FBXL13: variants seen among roughly 807,000 people sequenced by gnomAD.
FBXL13 encodes the protein F-box and leucine-rich repeat protein 13.
FBXL13 carries 67 observed loss-of-function variants against 83.6 expected under a neutral mutation model. That is an observed-to-expected ratio of 0.80 (90% CI 0.66 to 0.98). The LOEUF (loss-of-function observed/expected upper bound fraction) is 0.98, where lower values mean the gene tolerates loss of function less well. Ranked by LOEUF, FBXL13 falls within the 50% of genes least tolerant of loss-of-function variation. The pLI, the probability that FBXL13 is intolerant of heterozygous loss-of-function variation, is 0.00. For synonymous variants in FBXL13, 272 were observed against 299.5 expected (o/e 0.91, Z 0.95); for missense variants, 822 against 866.5 (o/e 0.95, Z 0.64).
intron 1 of FBXL13, among the ~76,000 whole-genome samples, chr7:103,060,063 T>TATAC (rs1429819167): frequency 1.2e-4 from 14 of 115,232 alleles, no homozygotes; most frequent in African/African-American, 3.4e-4. Context: ...TATATATATA[T>TATAC]ACTTTTTTTT....
intron 1 of FBXL13, among the ~76,000 whole-genome samples, chr7:103,065,951 CTG>C (rs1798353635): frequency 1.3e-5 from 2 of 152,242 alleles, no homozygotes; most frequent in African/African-American, 4.8e-5. Flanking sequence ...CTCCTGGAAG[CTG>C]TGTCATGTGA....
chr7:102,945,277 G>A (rs1473182214), intron 8 of FBXL13, among the ~76,000 whole-genome samples: 1 of 152,194 alleles, frequency 6.6e-6, no homozygotes, highest in East Asian at 1.9e-4. Flanking sequence ...TGTAGATGGT[G>A]TGAAGCATGA....
chr7:102,890,873 C>G (rs1417462164), intron 11 of FBXL13, among the ~76,000 whole-genome samples: 1 of 152,194 alleles, frequency 6.6e-6, no homozygotes, highest in Non-Finnish European at 1.5e-5. Flanking sequence ...TTCTGTACCA[C>G]CTCCAGCTGT....
At chr7:102,964,310 CA>C (rs142441296) in intron 7 of FBXL13, among the ~76,000 whole-genome samples, 11 of 141,980 alleles carry the variant, frequency 7.7e-5, no homozygotes, top group Admixed American at 4.2e-4. Context: ...AACTCCAACT[CA>C]AAAAAAAAAT....
chr7:103,032,787 T>C (rs1794639675), intron 2 of FBXL13, among the ~76,000 whole-genome samples: 1 of 152,238 alleles, frequency 6.6e-6, no homozygotes, highest in Non-Finnish European at 1.5e-5. Flanking sequence ...CCCAAAACGT[T>C]GGATGGCTGA....
chr7:102,818,908 G>A (rs980758371), intron 19 of FBXL13, among the ~76,000 whole-genome samples: 3 of 152,056 alleles, frequency 2.0e-5, no homozygotes, highest in Admixed American at 1.3e-4. Context: ...CAGGTATTAA[G>A]CCCAGTATCT....
At chr7:103,027,312 A>G in intron 5 of FBXL13, 137 bp downstream of exon 6, 1 of 600,644 alleles carries the variant, frequency 1.7e-6, no homozygotes, top group East Asian at 3.0e-5. Flanking sequence ...AATAAAAATA[A>G]AAAAAAACAA....
chr7:102,848,200 T>G (rs1365863863), intron 17 of FBXL13, among the ~76,000 whole-genome samples: 2 of 152,110 alleles, frequency 1.3e-5, no homozygotes, highest in African/African-American at 4.8e-5. Context: ...CTGCTAACAC[T>G]GAAATAATTA....
At chr7:102,854,007 C>T (rs1332790209) in intron 17 of FBXL13, among the ~76,000 whole-genome samples, 2 of 152,138 alleles carry the variant, frequency 1.3e-5, no homozygotes, top group African/African-American at 4.8e-5. Context: ...TTGACCCAGC[C>T]ATCCCATTAC....
intron 6 of FBXL13, among the ~76,000 whole-genome samples, chr7:102,993,055 G>A (rs929629134): frequency 6.6e-6 from 1 of 152,196 alleles, no homozygotes; most frequent in East Asian, 1.9e-4. Flanking sequence ...ACCACAACTT[G>A]AGCCAATATC....
At chr7:103,012,260 A>C (rs1053623811) in intron 6 of FBXL13, among the ~76,000 whole-genome samples, 1 of 151,418 alleles carries the variant, frequency 6.6e-6, no homozygotes, top group African/African-American at 2.4e-5. Context: ...TTGTAATCCC[A>C]CCTACTCAGG....
intron 6 of FBXL13, among the ~76,000 whole-genome samples, chr7:102,970,395 C>A (rs73408272): frequency 6.6e-6 from 1 of 151,838 alleles, no homozygotes; most frequent in African/African-American, 2.4e-5. Flanking sequence ...CAAAGGCCAG[C>A]GATTATGTGT....
chr7:103,028,617 T>C, exon 4 of FBXL13: 1 of 1,576,132 alleles, frequency 6.3e-7, no homozygotes, highest in Non-Finnish European at 8.6e-7. Flanking sequence ...TTTTTCTTTC[T>C]GGTCTTCCAT....
intron 19 of FBXL13, among the ~76,000 whole-genome samples, chr7:102,818,198 G>A (rs1395736125): frequency 6.6e-6 from 1 of 152,166 alleles, no homozygotes; most frequent in African/African-American, 2.4e-5. Flanking sequence ...CATAAATTAG[G>A]CAAAACAGAG....
At chr7:102,888,801 G>A (rs982321239) in intron 11 of FBXL13, among the ~76,000 whole-genome samples, 1 of 152,058 alleles carries the variant, frequency 6.6e-6, no homozygotes, top group African/African-American at 2.4e-5. Flanking sequence ...CCAGGGGAGA[G>A]GAATGAGCCT....
exon 7 of FBXL13, chr7:102,968,023 G>A: frequency 6.2e-7 from 1 of 1,608,848 alleles, no homozygotes; most frequent in Non-Finnish European, 8.5e-7. Context: ...TCTACTTACA[G>A]CATTCCACAG....
At chr7:102,840,848 G>A (rs924297676) in intron 17 of FBXL13, among the ~76,000 whole-genome samples, 1 of 152,140 alleles carries the variant, frequency 6.6e-6, no homozygotes, top group Non-Finnish European at 1.5e-5. Context: ...TATCTCATAG[G>A]CCTATTAGAA....
chr7:102,895,374 C>T lies in FBXL13; in HGVS notation c.1009-11062G>A, dbSNP rs114301099. 1.8e-3 allele frequency among the ~76,000 whole-genome samples: 279 copies of T among 152,198 alleles called. 1 individual carries two copies. Among genetic ancestry groups the T allele is most frequent in the African/African-American group, 6.4e-3 (264 of 41,538 alleles). ...TGGAAATGAAGAACAGGGGAGGCAC[C>T]GAAGCAGAAACCCCTATGGCAAGCT... On this transcript the variant is annotated intron_variant, in intron 11 of 19. Coordinates refer to ENST00000313221, the Ensembl canonical transcript of FBXL13.
chr7:102,831,826 G>A (rs1186287403), intron 18 of FBXL13, among the ~76,000 whole-genome samples: 1 of 151,852 alleles, frequency 6.6e-6, no homozygotes. Context: ...TTATCCATAT[G>A]GGCCCTCACT....
Sources: gnomAD v4.1 joint callset for allele counts (sites outside exome capture counted in the v4.1 genomes callset) on GRCh38, gnomAD v4.1.1 for gene constraint, MANE v1.5 for transcripts, NCBI Gene and HGNC (gene_info 2026-07-23, HGNC 2026-07-21) for gene names.